Variants in TOX observed in about 807,000 individuals in gnomAD.
TOX encodes the protein thymocyte selection associated high mobility group box, also known as thymocyte selection-associated high mobility group box protein TOX.
Under a neutral mutation model 53.7 loss-of-function variants are expected in TOX, and 11 were observed. The observed-to-expected ratio is 0.20, with a 90% CI of 0.13 to 0.34. The LOEUF is 0.34. Ranked by LOEUF, TOX falls within the 10% of genes least tolerant of loss-of-function variation. TOX has a pLI of 1.00. For synonymous variants in TOX, 225 were observed against 245.3 expected (o/e 0.92, Z 0.77); for missense variants, 570 against 664.6 (o/e 0.86, Z 1.56).
chr8:58,815,627 G>A lies in TOX; in HGVS notation c.1103C>T (p.Ala368Val), dbSNP rs750461049. ...GTGATAGTGGGAACTTAGGTACAGG[G>A]CCGAGTGGGCCTGGCTGGGCCCATG... ...VFHGPSQAHSALYLSSHYHQQ... is the reference protein window; with the variant it reads ...VFHGPSQAHSVLYLSSHYHQQ... The change falls in exon 7 of 9, where the codon GCC becomes GTC. Residue 368 changes from alanine to valine, a missense_variant. By Grantham distance (64) the Ala-to-Val change is moderately conservative. Transcript: ENST00000361421. 6.2e-7 allele frequency: 1 copy of A among 1,614,160 alleles called. No homozygotes were observed. Among genetic ancestry groups the A allele is most frequent in the Non-Finnish European group, 8.5e-7 (1 of 1,180,022 alleles).
chr8:58,831,696 T>C (rs1158852291), intron 5 of TOX, among the ~76,000 whole-genome samples: 1 of 152,194 alleles, frequency 6.6e-6, no homozygotes, highest in Non-Finnish European at 1.5e-5. Context: ...CTGGTCTCTT[T>C]TGTTCACTGC....
At chr8:58,854,196 A>G (rs1463114333) in intron 3 of TOX, among the ~76,000 whole-genome samples, 1 of 152,204 alleles carries the variant, frequency 6.6e-6, no homozygotes, top group Admixed American at 6.6e-5. Context: ...GTATGTAACT[A>G]ATTGCTATCT....
chr8:59,109,468 G>T (rs1043631798), intron 1 of TOX, among the ~76,000 whole-genome samples: 3 of 152,086 alleles, frequency 2.0e-5, no homozygotes, highest in African/African-American at 7.2e-5. Context: ...AAGAGAATAG[G>T]TGGTTTAGGT....
intron 2 of TOX, among the ~76,000 whole-genome samples, chr8:58,948,987 CT>C (rs1485940984): frequency 2.0e-5 from 3 of 152,116 alleles, no homozygotes; most frequent in Non-Finnish European, 2.9e-5. Flanking sequence ...GATAATTGAG[CT>C]TGGATTTTGG....
chr8:58,934,877 A>G (rs1359004198), intron 3 of TOX, among the ~76,000 whole-genome samples: 3 of 152,210 alleles, frequency 2.0e-5, no homozygotes, highest in Non-Finnish European at 4.4e-5. Context: ...GGTAAGGCCT[A>G]GAATTATCAT....
intron 3 of TOX, among the ~76,000 whole-genome samples, chr8:58,936,536 T>C (rs761441098): frequency 6.6e-6 from 1 of 152,218 alleles, no homozygotes; most frequent in Non-Finnish European, 1.5e-5. Flanking sequence ...ATTCAAAATA[T>C]ATACACTGAG....
At chr8:58,842,582 A>G (rs1471989397) in intron 4 of TOX, among the ~76,000 whole-genome samples, 1 of 152,174 alleles carries the variant, frequency 6.6e-6, no homozygotes, top group African/African-American at 2.4e-5. Flanking sequence ...CATCATGCTT[A>G]TCTCCTTTTT....
At chr8:59,056,078 A>C (rs1803883398) in intron 1 of TOX, among the ~76,000 whole-genome samples, 1 of 152,180 alleles carries the variant, frequency 6.6e-6, no homozygotes, top group Non-Finnish European at 1.5e-5. Context: ...AAGGTAGTAA[A>C]AAATGAATAA....
At chr8:58,906,635 T>C (rs1811819852) in intron 3 of TOX, among the ~76,000 whole-genome samples, 1 of 152,254 alleles carries the variant, frequency 6.6e-6, no homozygotes. Context: ...TGTGTATCCT[T>C]CTGTCAGTTT....
At chr8:58,892,306 AAGAG>A (rs901154509) in intron 3 of TOX, among the ~76,000 whole-genome samples, 3 of 151,248 alleles carry the variant, frequency 2.0e-5, no homozygotes, top group African/African-American at 7.3e-5. Context: ...GAGAGAAAGA[AAGAG>A]AGAGAGAGAG....
chr8:58,895,014 C>T (rs890454524), intron 3 of TOX, among the ~76,000 whole-genome samples: 6 of 152,036 alleles, frequency 3.9e-5, no homozygotes, highest in Admixed American at 6.6e-5. Flanking sequence ...ATGGGGAAAC[C>T]GTGTCTCTAC....
chr8:59,041,080 G>A (rs1803580300), intron 1 of TOX, among the ~76,000 whole-genome samples: 1 of 140,834 alleles, frequency 7.1e-6, no homozygotes, highest in Non-Finnish European at 1.5e-5. Flanking sequence ...CTCCGTGTGT[G>A]TGTGTGTGTG....
chr8:59,117,815 G>A lies in TOX; in HGVS notation c.102+1071C>T, dbSNP rs1262697647. 6.6e-6 allele frequency among the ~76,000 whole-genome samples: 1 copy of A among 152,210 alleles called. No individual in the cohort carries two copies. Among genetic ancestry groups the A allele is most frequent in the Non-Finnish European group, 1.5e-5 (1 of 68,032 alleles). ...GTTGGGCGTCTAAAAGGCCCGCCCAGCGTTTTAGAGAACTCAATTCTCTCT... is the reference window on the plus strand; with the variant it reads ...GTTGGGCGTCTAAAAGGCCCGCCCAACGTTTTAGAGAACTCAATTCTCTCT... On this transcript the variant is annotated intron_variant, in intron 1 of 8. Coordinates refer to ENST00000361421, the MANE Select transcript of TOX (RefSeq NM_014729.3). This position sits in a 1 kb window ranked among gnomAD's most constrained non-coding sequence, Gnocchi z 4.6.
intron 1 of TOX, among the ~76,000 whole-genome samples, chr8:59,093,031 T>C (rs1355334319): frequency 6.6e-6 from 1 of 152,132 alleles, no homozygotes; most frequent in Non-Finnish European, 1.5e-5. Flanking sequence ...TAAGTGAGTA[T>C]TGTCGGGAAG....
intron 1 of TOX, among the ~76,000 whole-genome samples, chr8:59,041,017 C>A (rs1803578475): frequency 6.6e-6 from 1 of 152,054 alleles, no homozygotes; most frequent in East Asian, 1.9e-4. Context: ...GCTCCCATCA[C>A]TCACTGGCAG....
Position 59,044,550 on chromosome 8 carries a change from T to C in TOX, c.102+74336A>G, listed in dbSNP as rs564661563. Among the ~76,000 whole-genome samples, 3 of 152,228 alleles carry C rather than the reference T, an allele frequency of 2.0e-5. No individual in the cohort carries two copies. In the South Asian group the frequency reaches 6.2e-4, roughly 32 times the overall value. On this transcript the variant is annotated intron_variant, in intron 1 of 8. Coordinates refer to ENST00000361421, the MANE Select transcript of TOX (RefSeq NM_014729.3). ...TTTATATTCAAAGCATTTCAGAGAG[T>C]TTTCTGTAAAAGAAATTTTTATGAT...
chr8:59,051,431 C>T (rs1261236385), intron 1 of TOX, among the ~76,000 whole-genome samples: 1 of 152,032 alleles, frequency 6.6e-6, no homozygotes, highest in Non-Finnish European at 1.5e-5. Flanking sequence ...ACTTTAAAAA[C>T]AAACAAAATT....
At chr8:58,938,520 A>T (rs1194250144) in intron 3 of TOX, among the ~76,000 whole-genome samples, 4 of 151,990 alleles carry the variant, frequency 2.6e-5, no homozygotes. Flanking sequence ...TTTTTTTTCC[A>T]CTATTGGGGT....
intron 1 of TOX, among the ~76,000 whole-genome samples, chr8:59,083,704 A>G (rs1278494518): frequency 6.6e-6 from 1 of 152,180 alleles, no homozygotes; most frequent in Non-Finnish European, 1.5e-5. Flanking sequence ...ACTGACAATA[A>G]TGTAGGTGAA....
Sources: allele counts gnomAD v4.1 joint callset (sites outside exome capture counted in the v4.1 genomes callset), GRCh38; gene constraint gnomAD v4.1.1; non-coding constraint Gnocchi (gnomAD v3.1); transcripts MANE v1.5; gene names NCBI Gene and HGNC (gene_info 2026-07-23, HGNC 2026-07-21).